GPC5: variants seen among roughly 807,000 people sequenced by gnomAD.
The protein encoded by GPC5 is glypican 5.
GPC5 carries 47 observed loss-of-function variants against 53.9 expected under a neutral mutation model. That is an observed-to-expected ratio of 0.87 (90% CI 0.69 to 1.11). GPC5 has a LOEUF of 1.11. GPC5 is among the 50% of genes most tolerant of loss of function. The pLI is 0.00. For synonymous variants in GPC5, 286 were observed against 263.3 expected (o/e 1.09, Z -0.84); for missense variants, 748 against 713.1 (o/e 1.05, Z -0.56).
chr13:92,408,831 G>A (rs1176724672), intron 7 of GPC5, among the ~76,000 whole-genome samples: 1 of 151,680 alleles, frequency 6.6e-6, no homozygotes, highest in Non-Finnish European at 1.5e-5. Context: ...CAATGATGGT[G>A]GTATTCTCTT....
rs575660917 is a variant in GPC5 at position 91,518,020 on chromosome 13, TATATCACC to T, written c.325+69101_325+69108del. ...GATTTCGGCGAAGACACAGCCAAAC[TATATCACC>T]ATCTTATAGCAAAATGATATAGTGG... is the stretch of plus-strand genomic sequence containing the variant. On this transcript the variant is annotated intron_variant, in intron 2 of 7. Coordinates refer to ENST00000377067, the MANE Select transcript of GPC5 (RefSeq NM_004466.6). Among the ~76,000 whole-genome samples, 570 of 152,340 alleles carry T rather than the reference TATATCACC, an allele frequency of 3.7e-3. 4 individuals carry two copies. Among genetic ancestry groups the T allele is most frequent in the African/African-American group, 0.013 (549 of 41,572 alleles).
At chr13:91,892,583 G>A (rs760418166) in intron 5 of GPC5, among the ~76,000 whole-genome samples, 2 of 151,366 alleles carry the variant, frequency 1.3e-5, no homozygotes, top group Non-Finnish European at 3.0e-5. Flanking sequence ...TACTAAGCAA[G>A]CAATCTTTAA....
chr13:91,970,338 A>T (rs1594695748), intron 6 of GPC5, among the ~76,000 whole-genome samples: 4 of 152,310 alleles, frequency 2.6e-5, no homozygotes, highest in Admixed American at 2.6e-4. Context: ...CCTCAGTTAT[A>T]ACATGAATAA....
intron 5 of GPC5, among the ~76,000 whole-genome samples, chr13:91,769,869 CTT>C (rs2037590755): frequency 6.6e-6 from 1 of 152,140 alleles, no homozygotes; most frequent in African/African-American, 2.4e-5. Flanking sequence ...GTCCAGTTCT[CTT>C]TGAACACCAA....
At chr13:91,981,882 A>AG (rs1393677585) in intron 6 of GPC5, among the ~76,000 whole-genome samples, 2 of 152,218 alleles carry the variant, frequency 1.3e-5, no homozygotes, top group African/African-American at 4.8e-5. Context: ...TGAATAATGA[A>AG]GGATTTGAAG....
chr13:91,740,389 C>T (rs1307930935), intron 4 of GPC5, among the ~76,000 whole-genome samples: 1 of 151,954 alleles, frequency 6.6e-6, no homozygotes, highest in East Asian at 1.9e-4. Flanking sequence ...TTGCTTTTTC[C>T]TTGTTTTGCT....
chr13:91,490,136 C>T (rs963537383), intron 2 of GPC5, among the ~76,000 whole-genome samples: 20 of 151,950 alleles, frequency 1.3e-4, no homozygotes, highest in African/African-American at 2.9e-4. Flanking sequence ...CATTTATTTT[C>T]GCAGAAGAAT....
chr13:92,503,999 TAAAG>T (rs969365190), intron 7 of GPC5, among the ~76,000 whole-genome samples: 8 of 151,956 alleles, frequency 5.3e-5, no homozygotes, highest in African/African-American at 1.4e-4. Flanking sequence ...TTAGGGAACT[TAAAG>T]AAGAGCTATT....
rs139404729 is a variant in GPC5, at chr13:91,967,235, G to C, written c.1401+59178G>C. Among the ~76,000 whole-genome samples the C allele has an allele frequency of 1.4e-4, 22 of 152,186 alleles. No homozygotes were observed. The East Asian group carries it at 4.3e-3, about 29-fold the overall frequency. Reference sequence around the variant, plus strand: ...TATTCACTACCATGAGAACAGTAAAGAGAAAACTGCCCCATGATTCAATTA... The same window carrying C: ...TATTCACTACCATGAGAACAGTAAACAGAAAACTGCCCCATGATTCAATTA... On this transcript the variant is annotated intron_variant, in intron 6 of 7. Coordinates refer to ENST00000377067, the MANE Select transcript of GPC5 (RefSeq NM_004466.6).
intron 2 of GPC5, among the ~76,000 whole-genome samples, chr13:91,500,719 C>G (rs1220665187): frequency 6.6e-6 from 1 of 152,140 alleles, no homozygotes; most frequent in Non-Finnish European, 1.5e-5. Context: ...AATTTTACAG[C>G]TACAGATTTT....
intron 7 of GPC5, among the ~76,000 whole-genome samples, chr13:92,543,792 C>T (rs1176948582): frequency 1.3e-5 from 2 of 151,708 alleles, no homozygotes; most frequent in African/African-American, 2.4e-5. Flanking sequence ...TATATTTGAA[C>T]TCTTTCTATA....
chr13:92,318,042 TA>T (rs1418853552), intron 7 of GPC5, among the ~76,000 whole-genome samples: 4 of 152,202 alleles, frequency 2.6e-5, no homozygotes, highest in African/African-American at 9.6e-5. Flanking sequence ...ATCATATTCT[TA>T]AAAATGCCTC....
intron 7 of GPC5, among the ~76,000 whole-genome samples, chr13:92,266,094 G>T (rs9523564): frequency 0.34 from 52,177 of 151,992 alleles, 9,630 homozygotes; most frequent in African/African-American, 0.48. Flanking sequence ...CCTCTCATTA[G>T]TCCCCACCTC....
At chr13:92,142,183 A>G (rs745911054) in intron 6 of GPC5, among the ~76,000 whole-genome samples, 10 of 152,222 alleles carry the variant, frequency 6.6e-5, no homozygotes, top group Non-Finnish European at 1.3e-4. Flanking sequence ...GTACCCTAGA[A>G]CTTAAAGTAT....
intron 7 of GPC5, among the ~76,000 whole-genome samples, chr13:92,312,580 G>A (rs16947341): frequency 0.023 from 3,500 of 152,018 alleles, 149 homozygotes; most frequent in African/African-American, 0.081. Context: ...TTTTACACTG[G>A]ATATTGATTA....
intron 7 of GPC5, among the ~76,000 whole-genome samples, chr13:92,164,308 G>C (rs1265543658): frequency 1.3e-5 from 2 of 152,098 alleles, no homozygotes; most frequent in Non-Finnish European, 2.9e-5. Flanking sequence ...TTCTACCTAT[G>C]AGCCTGTAAA....
chr13:92,350,907 C>A (rs1360435514), intron 7 of GPC5, among the ~76,000 whole-genome samples: 1 of 152,010 alleles, frequency 6.6e-6, no homozygotes, highest in African/African-American at 2.4e-5. Flanking sequence ...TATCAAATTT[C>A]TCAACACAAA....
intron 3 of GPC5, among the ~76,000 whole-genome samples, chr13:91,724,587 G>C (rs2036539698): frequency 6.6e-6 from 1 of 152,066 alleles, no homozygotes; most frequent in Non-Finnish European, 1.5e-5. Flanking sequence ...GGTGTCTCAT[G>C]CCTGTAATTC....
intron 7 of GPC5, among the ~76,000 whole-genome samples, chr13:92,381,875 TATGATTATATATATTATATATA>T (rs2043745015): frequency 3.0e-5 from 3 of 98,980 alleles, no homozygotes; most frequent in Admixed American, 1.1e-4. Flanking sequence ...ATATCATATA[TATGATTATATATATTATATATA>T]ATCATATATA....
Sources: allele counts gnomAD v4.1 joint callset (sites outside exome capture counted in the v4.1 genomes callset), GRCh38; gene constraint gnomAD v4.1.1; transcripts MANE v1.5; gene names NCBI Gene and HGNC (gene_info 2026-07-23, HGNC 2026-07-21).